SLIT3: variants seen among roughly 807,000 people sequenced by gnomAD.
SLIT3 encodes slit guidance ligand 3.
In SLIT3, 68 loss-of-function variants were observed where a neutral mutation model predicts 184.0. The observed-to-expected ratio is 0.37, with a 90% confidence interval of 0.30 to 0.45. The LOEUF (loss-of-function observed/expected upper bound fraction) is 0.45. Ranked by LOEUF, SLIT3 falls within the 20% of genes least tolerant of loss-of-function variation. SLIT3 has a pLI of 1.00. For missense variants in SLIT3, 1,707 were observed against 2,026.0 expected, an observed-to-expected ratio of 0.84 and a Z score of 3.02; for synonymous variants, 831 against 828.6, an observed-to-expected ratio of 1.00 and a Z score of -0.05.
At chr5:169,136,201 G>T (rs921490092) in intron 4 of SLIT3, among the ~76,000 whole-genome samples, 4 of 152,172 alleles carry the variant, frequency 2.6e-5, no homozygotes, top group Admixed American at 6.5e-5. Flanking sequence ...GAAATCGTGG[G>T]TAGTTTCCGT....
chr5:168,795,479 G>A, intron 10 of SLIT3, 28 bp downstream of exon 10: 6 of 1,559,150 alleles, frequency 3.8e-6, no homozygotes, highest in Non-Finnish European at 5.3e-6. Flanking sequence ...AAAACATTTG[G>A]GCCCATTTCT....
At chr5:169,295,094 C>T (rs781052585) in intron 1 of SLIT3, among the ~76,000 whole-genome samples, 2 of 152,172 alleles carry the variant, frequency 1.3e-5, no homozygotes, top group Non-Finnish European at 1.5e-5. Context: ...CAACACTATA[C>T]CCTTAGGCTG....
At chr5:168,835,477 CAAA>C (rs558345211) in intron 6 of SLIT3, among the ~76,000 whole-genome samples, 3 of 133,246 alleles carry the variant, frequency 2.3e-5, no homozygotes, top group Admixed American at 7.6e-5. Flanking sequence ...TCCCTTACTT[CAAA>C]AAAAAAAAAA....
chr5:168,915,506 C>A (rs964449906), intron 4 of SLIT3, among the ~76,000 whole-genome samples: 1 of 152,114 alleles, frequency 6.6e-6, no homozygotes, highest in East Asian at 1.9e-4. Flanking sequence ...GCTTTTCTAT[C>A]CCAATACATT....
intron 4 of SLIT3, among the ~76,000 whole-genome samples, chr5:169,069,550 G>A (rs573059702): frequency 6.6e-6 from 1 of 152,290 alleles, no homozygotes; most frequent in East Asian, 1.9e-4. Context: ...TATAGGAGTG[G>A]TCCCCTAGAG....
intron 5 of SLIT3, among the ~76,000 whole-genome samples, chr5:168,866,118 C>T (rs774102929): frequency 4.6e-5 from 7 of 152,126 alleles, no homozygotes; most frequent in South Asian, 2.1e-4. Flanking sequence ...TAAACTGGCC[C>T]GGGACAGATG....
chr5:168,749,689 T>C (rs1581035973), intron 18 of SLIT3, 54 bp from the exon 19 acceptor site: 1 of 1,590,388 alleles, frequency 6.3e-7, no homozygotes, highest in East Asian at 2.2e-5. Flanking sequence ...GGAGCGGCCC[T>C]GGGATCTGCT....
At chr5:169,230,083 C>T (rs544454140) in intron 3 of SLIT3, among the ~76,000 whole-genome samples, 141 of 152,262 alleles carry the variant, frequency 9.3e-4, no homozygotes, top group African/African-American at 3.3e-3. Flanking sequence ...GTATACATGG[C>T]CCTACATGTC....
At chr5:169,270,951 G>A (rs749733993) in intron 1 of SLIT3, among the ~76,000 whole-genome samples, 2 of 152,104 alleles carry the variant, frequency 1.3e-5, no homozygotes, top group Non-Finnish European at 1.5e-5. Flanking sequence ...CATGTCAAAC[G>A]GCTAGGACAA....
intron 29 of SLIT3, among the ~76,000 whole-genome samples, chr5:168,690,770 G>T (rs1210150411): frequency 2.9e-4 from 43 of 146,298 alleles, no homozygotes; most frequent in Admixed American, 2.9e-3. Context: ...TAGACACATG[G>T]AAGGGCTGAA....
At chr5:168,707,210 A>G (rs1165620602) in intron 26 of SLIT3, 1 of 152,328 alleles carries the variant, frequency 6.6e-6, no homozygotes, top group Non-Finnish European at 1.5e-5. Flanking sequence ...CCCAGTCTCC[A>G]TATCCGTAAA....
At chr5:169,002,861 C>T (rs1168589510) in intron 4 of SLIT3, among the ~76,000 whole-genome samples, 2 of 152,206 alleles carry the variant, frequency 1.3e-5, no homozygotes, top group Non-Finnish European at 2.9e-5. Flanking sequence ...GTTTTATCCT[C>T]ACCTTGATCT....
intron 14 of SLIT3, among the ~76,000 whole-genome samples, chr5:168,768,867 T>C (rs1233073345): frequency 6.6e-6 from 1 of 152,102 alleles, no homozygotes; most frequent in Non-Finnish European, 1.5e-5. Context: ...CCCAGATCAT[T>C]TGAGGTTTAA....
intron 26 of SLIT3, 23 bp downstream of exon 26, chr5:168,707,953 G>T: frequency 6.2e-7 from 1 of 1,613,872 alleles, no homozygotes. Context: ...CATGAACACG[G>T]GGGGGCAGGG....
intron 4 of SLIT3, among the ~76,000 whole-genome samples, chr5:168,910,898 A>T (rs1361766941): frequency 6.6e-6 from 1 of 152,330 alleles, no homozygotes; most frequent in East Asian, 1.9e-4. Context: ...CAGAAGGGCA[A>T]CTAGAGCCCC....
At chr5:168,908,370 C>T (rs938875699) in intron 4 of SLIT3, among the ~76,000 whole-genome samples, 2 of 152,048 alleles carry the variant, frequency 1.3e-5, no homozygotes, top group African/African-American at 2.4e-5. Flanking sequence ...ATGCAGTCCA[C>T]GGTTTGGTCT....
intron 1 of SLIT3, among the ~76,000 whole-genome samples, chr5:169,291,955 C>T (rs1184489322): frequency 3.3e-5 from 5 of 152,194 alleles, no homozygotes; most frequent in East Asian, 1.9e-4. Context: ...AATGACTCCA[C>T]GCATGTAAAG....
intron 4 of SLIT3, among the ~76,000 whole-genome samples, chr5:168,943,594 A>G (rs763471962): frequency 2.0e-5 from 3 of 152,228 alleles, no homozygotes; most frequent in Non-Finnish European, 4.4e-5. Context: ...AATAATGCCT[A>G]TTTATCCCAA....
chr5:169,008,039 G>A (rs1755996255), intron 4 of SLIT3, among the ~76,000 whole-genome samples: 1 of 152,280 alleles, frequency 6.6e-6, no homozygotes, highest in Non-Finnish European at 1.5e-5. Flanking sequence ...CAGGCAGAGG[G>A]CCATTGTTCT....
Sources: allele counts gnomAD v4.1 joint callset (sites outside exome capture counted in the v4.1 genomes callset), GRCh38; gene constraint gnomAD v4.1.1; transcripts MANE v1.5; gene names NCBI Gene and HGNC (gene_info 2026-07-23, HGNC 2026-07-21).